Variants in SBF2 observed in about 807,000 individuals in gnomAD.
SBF2 encodes SET binding factor 2.
In SBF2, 112 loss-of-function variants were observed where a neutral mutation model predicts 225.2. That is an observed-to-expected ratio of 0.50 (90% CI 0.43 to 0.58). SBF2 has a LOEUF of 0.58. Among genes scored for constraint, SBF2 ranks in the 20% least tolerant of loss-of-function variants. The pLI is 0.00. For synonymous variants in SBF2, 763 were observed against 773.3 expected (o/e 0.99, Z 0.22); for missense variants, 1,996 against 2,206.2 (o/e 0.90, Z 1.91).
intron 6 of SBF2, among the ~76,000 whole-genome samples, chr11:10,009,904 C>T (rs1948370514): frequency 2.0e-5 from 3 of 152,208 alleles, no homozygotes; most frequent in Non-Finnish European, 4.4e-5. Flanking sequence ...TTTCCACATC[C>T]TCTCCAGCAT....
chr11:10,155,283 A>C (rs1955414244), intron 2 of SBF2, among the ~76,000 whole-genome samples: 1 of 152,146 alleles, frequency 6.6e-6, no homozygotes, highest in Non-Finnish European at 1.5e-5. Context: ...AGAATAGTAA[A>C]ATGTAAGAGA....
rs551798670 is a variant in SBF2 at position 10,251,041 on chromosome 11, T to C, written c.55+42974A>G. On this transcript the variant is annotated intron_variant, in intron 1 of 39. Transcript: ENST00000256190. Reference sequence around the variant, plus strand: ...TCCTTATTTATGCCTCCATGAACAATAGAAATGTAAAGGGGGTCTATTACG... The same window carrying C: ...TCCTTATTTATGCCTCCATGAACAACAGAAATGTAAAGGGGGTCTATTACG... Among the ~76,000 whole-genome samples the C allele has an allele frequency of 4.3e-4, 65 of 152,322 alleles. No individual in the cohort carries two copies. In the South Asian group the frequency reaches 7.5e-3, roughly 17 times the overall value.
intron 1 of SBF2, among the ~76,000 whole-genome samples, chr11:10,302,306 C>T (rs1405624923): frequency 1.3e-5 from 2 of 152,184 alleles, no homozygotes; most frequent in African/African-American, 4.8e-5. Flanking sequence ...CGACTTAAAC[C>T]CACGAAGCTT....
intron 16 of SBF2, among the ~76,000 whole-genome samples, chr11:9,930,574 T>G (rs183732452): frequency 6.6e-6 from 1 of 152,194 alleles, no homozygotes; most frequent in Non-Finnish European, 1.5e-5. Flanking sequence ...TTGATTGTTG[T>G]GATAGTTTCA....
At chr11:10,115,689 G>A (rs1237242156) in intron 2 of SBF2, among the ~76,000 whole-genome samples, 2 of 152,032 alleles carry the variant, frequency 1.3e-5, no homozygotes, top group African/African-American at 4.8e-5. Flanking sequence ...TAATCTACGA[G>A]ACACATAATG....
intron 1 of SBF2, among the ~76,000 whole-genome samples, chr11:10,270,769 G>A (rs1301632815): frequency 2.0e-5 from 3 of 151,904 alleles, no homozygotes; most frequent in South Asian, 2.1e-4. Flanking sequence ...CGAGGTAGGC[G>A]GATCACAAGA....
At chr11:10,239,415 G>A (rs1281365027) in intron 1 of SBF2, among the ~76,000 whole-genome samples, 1 of 150,420 alleles carries the variant, frequency 6.6e-6, no homozygotes, top group Admixed American at 6.6e-5. Flanking sequence ...ATAAAAACTG[G>A]AAAATATGTT....
chr11:9,920,545 G>C (rs1863536838), intron 16 of SBF2, among the ~76,000 whole-genome samples: 1 of 152,082 alleles, frequency 6.6e-6, no homozygotes, highest in Non-Finnish European at 1.5e-5. Context: ...TTTATAATTA[G>C]GTTGCAGATC....
chr11:9,828,615 G>A, intron 28 of SBF2: 1 of 985,314 alleles, frequency 1.0e-6, no homozygotes, highest in Non-Finnish European at 1.2e-6. Context: ...AACCCTTTGG[G>A]GTTCCATCAC....
At chr11:10,160,267 G>A (rs74325251) in intron 2 of SBF2, among the ~76,000 whole-genome samples, 11,542 of 152,114 alleles carry the variant, frequency 0.076, 613 homozygotes, top group East Asian at 0.28. Context: ...TGAAATAAAA[G>A]CATGTCTAAT....
At chr11:10,295,055 G>T (rs777479499), upstream of SBF2, among the ~76,000 whole-genome samples, 13 of 152,330 alleles carry the variant, frequency 8.5e-5, no homozygotes, top group Non-Finnish European at 1.6e-4. Context: ...GAATTTGGCT[G>T]GTGTGACATT....
At chr11:9,826,751 ATGTGTGTGTGTG>A (rs1191716598) in intron 28 of SBF2, among the ~76,000 whole-genome samples, 1 of 146,060 alleles carries the variant, frequency 6.8e-6, no homozygotes, top group Non-Finnish European at 1.5e-5. Flanking sequence ...GTGTGTGTGT[ATGTGTGTGTGTG>A]TATGTATATA....
At chr11:9,974,847 C>T (rs1362792806) in intron 13 of SBF2, among the ~76,000 whole-genome samples, 1 of 149,972 alleles carries the variant, frequency 6.7e-6, no homozygotes, top group African/African-American at 2.5e-5. Context: ...ATAATCCCAG[C>T]TACTTGGGAG....
chr11:9,903,388 G>A (rs180690335), intron 16 of SBF2, among the ~76,000 whole-genome samples: 2 of 152,244 alleles, frequency 1.3e-5, no homozygotes, highest in African/African-American at 2.4e-5. Context: ...AGGAATAAAT[G>A]TGTTAGTGGT....
chr11:10,077,211 A>C (rs1324724690), intron 2 of SBF2, among the ~76,000 whole-genome samples: 1 of 152,218 alleles, frequency 6.6e-6, no homozygotes, highest in East Asian at 1.9e-4. Context: ...CAATATCGTG[A>C]AAATGGCCAT....
At chr11:10,069,509 A>C (rs1021816097) in intron 2 of SBF2, among the ~76,000 whole-genome samples, 5 of 152,146 alleles carry the variant, frequency 3.3e-5, no homozygotes, top group Admixed American at 2.6e-4. Flanking sequence ...TTATGGCTGC[A>C]TAGTATTCTA....
rs1956516582 is a variant in SBF2 at position 10,177,396 on chromosome 11, C to A, written c.141+16506G>T. On this transcript the variant is annotated intron_variant, in intron 2 of 39. Coordinates refer to ENST00000256190, the MANE Select transcript of SBF2 (RefSeq NM_030962.4). ...CTATTCAATTAGGAAAAGAGGAAGT[C>A]AAATTGTCCCTGTTTGCAGACGACA... 5.4e-5 allele frequency among the ~76,000 whole-genome samples: 8 copies of A among 147,828 alleles called. No individual in the cohort carries two copies. In the South Asian group the frequency reaches 1.7e-3, roughly 32 times the overall value.
At chr11:10,279,622 G>A (rs1963258008) in intron 1 of SBF2, among the ~76,000 whole-genome samples, 1 of 152,076 alleles carries the variant, frequency 6.6e-6, no homozygotes, top group Non-Finnish European at 1.5e-5. Flanking sequence ...ACCTCCCACA[G>A]TGTCCTTACA....
intron 17 of SBF2, among the ~76,000 whole-genome samples, chr11:9,890,846 G>C (rs781728557): frequency 6.6e-6 from 1 of 152,082 alleles, no homozygotes; most frequent in African/African-American, 2.4e-5. Context: ...TTAAGTTAAA[G>C]GTGGCAGCCG....
Sources: allele counts gnomAD v4.1 joint callset (sites outside exome capture counted in the v4.1 genomes callset), GRCh38; gene constraint gnomAD v4.1.1; transcripts MANE v1.5; gene names NCBI Gene and HGNC (gene_info 2026-07-23, HGNC 2026-07-21).